Variants in PRDM16 observed in about 807,000 individuals in gnomAD.
PRDM16 encodes the protein histone-lysine N-methyltransferase PRDM16.
A neutral mutation model predicts 110.6 loss-of-function variants in PRDM16; 23 were observed. That is an observed-to-expected ratio of 0.21 (90% CI 0.15 to 0.29). PRDM16 has a LOEUF of 0.29. Ranked by LOEUF, PRDM16 falls within the 10% of genes least tolerant of loss-of-function variation. PRDM16 has a pLI of 1.00. For missense variants in PRDM16, 1,615 were observed against 1,794.3 expected (o/e 0.90, Z 1.81); for synonymous variants, 799 against 781.8 (o/e 1.02, Z -0.37).
chr1:3,085,933 C>G (rs970417924), intron 1 of PRDM16, among the ~76,000 whole-genome samples: 11 of 152,256 alleles, frequency 7.2e-5, no homozygotes, highest in Non-Finnish European at 5.9e-5. Context: ...TGGTGCCCCA[C>G]TCACGTGGGT....
Position 3,157,063 on chromosome 1 carries a change from G to A in PRDM16, c.38-29062G>A, listed in dbSNP as rs1323021662. Among the ~76,000 whole-genome samples, 3 of 152,312 alleles carry A rather than the reference G, an allele frequency of 2.0e-5. No individual in the cohort carries two copies. The East Asian group carries it at 5.8e-4, about 30-fold the overall frequency. On this transcript the variant is annotated intron_variant, in intron 1 of 16. Coordinates refer to ENST00000270722, the MANE Select transcript of PRDM16 (RefSeq NM_022114.4). This position sits in a 1 kb window ranked among gnomAD's most constrained non-coding sequence, Gnocchi z 4.8. Reference sequence around the variant, plus strand: ...TGAGCACGAGGGCCAAGAGGTGACCGCCGGCCAGAACCAGCCGTGGCTGCC... The same window carrying A: ...TGAGCACGAGGGCCAAGAGGTGACCACCGGCCAGAACCAGCCGTGGCTGCC...
intron 1 of PRDM16, among the ~76,000 whole-genome samples, chr1:3,138,260 C>A (rs1462353906): frequency 6.6e-6 from 1 of 152,226 alleles, no homozygotes; most frequent in Non-Finnish European, 1.5e-5. Context: ...AGGAAAGGAT[C>A]TTCTTCAAGT....
intron 5 of PRDM16, among the ~76,000 whole-genome samples, chr1:3,400,396 C>G (rs1441434445): frequency 6.6e-6 from 1 of 152,194 alleles, no homozygotes; most frequent in Non-Finnish European, 1.5e-5. Context: ...ACAGTGGGCT[C>G]TCTCTGAAGA....
intron 3 of PRDM16, among the ~76,000 whole-genome samples, chr1:3,380,343 C>G (rs143350620): frequency 2.4e-4 from 36 of 152,126 alleles, no homozygotes; most frequent in African/African-American, 8.7e-4. Context: ...GGGGAAGCTC[C>G]TCCCTTTAGG....
chr1:3,252,691 C>T (rs962909377), intron 3 of PRDM16, among the ~76,000 whole-genome samples: 5 of 152,028 alleles, frequency 3.3e-5, no homozygotes, highest in African/African-American at 1.2e-4. Context: ...GGCTCGTGTT[C>T]CATGAGACTA....
At chr1:3,110,570 C>T (rs1642768919) in intron 1 of PRDM16, among the ~76,000 whole-genome samples, 1 of 152,202 alleles carries the variant, frequency 6.6e-6, no homozygotes, top group Non-Finnish European at 1.5e-5. Context: ...GACACAGTGT[C>T]TGTGGCTCCC....
rs367958685 is a variant in PRDM16 at position 3,190,904 on chromosome 1, G to A, written c.387+4430G>A. Among the ~76,000 whole-genome samples the A allele has an allele frequency of 6.6e-6, 1 of 152,206 alleles. No individual in the cohort carries two copies. Among genetic ancestry groups the A allele is most frequent in the African/African-American group, 2.4e-5 (1 of 41,458 alleles). On this transcript the variant is annotated intron_variant, in intron 2 of 16. Transcript: ENST00000270722. This position sits in a 1 kb window ranked among gnomAD's most constrained non-coding sequence, Gnocchi z 5.0. ...CCCAGAGGGAGGAGGCCATGGGTGA[G>A]GCACTGGGGAGGCCACCTGCCCCCG...
intron 1 of PRDM16, among the ~76,000 whole-genome samples, chr1:3,123,979 C>T (rs947080577): frequency 3.9e-5 from 6 of 152,208 alleles, no homozygotes; most frequent in Non-Finnish European, 8.8e-5. Context: ...CACCCCACGC[C>T]GTATGGTGGG....
chr1:3,402,552 C>A (rs1643490441), intron 5 of PRDM16, among the ~76,000 whole-genome samples: 1 of 152,208 alleles, frequency 6.6e-6, no homozygotes, highest in Non-Finnish European at 1.5e-5. Context: ...CCCTCTGAGG[C>A]ACAGATTGGG....
intron 1 of PRDM16, among the ~76,000 whole-genome samples, chr1:3,147,054 G>C (rs1285724670): frequency 2.9e-4 from 43 of 145,914 alleles, no homozygotes; most frequent in Non-Finnish European, 5.4e-4. Context: ...GTGTGCACGT[G>C]TGTGCTCAGT....
intron 3 of PRDM16, among the ~76,000 whole-genome samples, chr1:3,356,067 G>A (rs1308681798): frequency 1.3e-5 from 2 of 152,218 alleles, no homozygotes; most frequent in African/African-American, 4.8e-5. Context: ...GCAGCTTTCA[G>A]GGCCCAAGAC....
At chr1:3,354,166 G>A (rs957253447) in intron 3 of PRDM16, among the ~76,000 whole-genome samples, 1 of 152,206 alleles carries the variant, frequency 6.6e-6, no homozygotes, top group African/African-American at 2.4e-5. Context: ...TGCAGATAAA[G>A]AACCATTGCT....
At chr1:3,415,245 G>A (rs1052881292) in intron 10 of PRDM16, among the ~76,000 whole-genome samples, 1 of 152,192 alleles carries the variant, frequency 6.6e-6, no homozygotes, top group African/African-American at 2.4e-5. Flanking sequence ...AATAGCAGGT[G>A]GGCAGCATGG....
intron 2 of PRDM16, among the ~76,000 whole-genome samples, chr1:3,211,254 T>TGGTCACAGCGTAG (rs1638876102): frequency 6.6e-6 from 1 of 152,180 alleles, no homozygotes; most frequent in Admixed American, 6.5e-5. Context: ...CTGCCCTTCT[T>TGGTCACAGCGTAG]CCCTAAGCTG....
At chr1:3,082,224 A>G (rs1314953259) in intron 1 of PRDM16, among the ~76,000 whole-genome samples, 1 of 152,176 alleles carries the variant, frequency 6.6e-6, no homozygotes, top group Non-Finnish European at 1.5e-5. Flanking sequence ...CTCTGCAGTC[A>G]GGTCCTGTGC....
intron 1 of PRDM16, among the ~76,000 whole-genome samples, chr1:3,181,304 AC>A (rs1265291239): frequency 5.9e-5 from 8 of 136,150 alleles, no homozygotes; most frequent in African/African-American, 1.6e-4. Context: ...GCAGTCTTAC[AC>A]ACGGTCTTAC....
intron 1 of PRDM16, among the ~76,000 whole-genome samples, chr1:3,151,933 G>A (rs773952006): frequency 6.6e-5 from 10 of 152,312 alleles, no homozygotes; most frequent in African/African-American, 2.4e-4. Context: ...CCTTTGGGCC[G>A]AGACATCCCA....
intron 3 of PRDM16, among the ~76,000 whole-genome samples, chr1:3,373,839 G>A (rs903234098): frequency 1.3e-5 from 2 of 152,234 alleles, no homozygotes; most frequent in Non-Finnish European, 2.9e-5. Context: ...ACACATGGCC[G>A]AGCCTGGGAC....
At chr1:3,400,701 T>G (rs1643452254) in intron 5 of PRDM16, among the ~76,000 whole-genome samples, 1 of 152,154 alleles carries the variant, frequency 6.6e-6, no homozygotes, top group African/African-American at 2.4e-5. Context: ...CTTTTTTCCC[T>G]TCATGATCTT....
Sources: allele counts gnomAD v4.1 joint callset (sites outside exome capture counted in the v4.1 genomes callset), GRCh38; gene constraint gnomAD v4.1.1; non-coding constraint Gnocchi (gnomAD v3.1); transcripts MANE v1.5; gene names NCBI Gene and HGNC (gene_info 2026-07-23, HGNC 2026-07-21).